Variants in GABBR2 observed in about 807,000 individuals in gnomAD.
GABBR2 encodes gamma-aminobutyric acid type B receptor subunit 2.
GABBR2 carries 23 observed loss-of-function variants against 105.6 expected under a neutral mutation model. That is an observed-to-expected ratio of 0.22 (90% CI 0.16 to 0.31). GABBR2 has a LOEUF of 0.31. GABBR2 is among the 10% of genes least tolerant of loss of function. GABBR2 has a pLI of 1.00. For synonymous variants in GABBR2, 478 were observed against 499.7 expected (o/e 0.96, Z 0.58); for missense variants, 734 against 1,245.5 (o/e 0.59, Z 6.18).
chr9:98,430,605 G>T (rs1275983728), intron 7 of GABBR2, among the ~76,000 whole-genome samples: 1 of 152,172 alleles, frequency 6.6e-6, no homozygotes, highest in Admixed American at 6.5e-5. Context: ...CTGGTCTCAA[G>T]TGCTTTCCTC....
At chr9:98,361,484 T>C (rs1831581855) in intron 13 of GABBR2, among the ~76,000 whole-genome samples, 1 of 152,218 alleles carries the variant, frequency 6.6e-6, no homozygotes, top group Non-Finnish European at 1.5e-5. Context: ...TCTGGATTTC[T>C]AAATTCTGGT....
intron 7 of GABBR2, among the ~76,000 whole-genome samples, chr9:98,406,465 G>A (rs748122519): frequency 6.6e-6 from 1 of 152,254 alleles, no homozygotes; most frequent in African/African-American, 2.4e-5. Flanking sequence ...GACGTCTTCT[G>A]GGGTGCTGGA....
chr9:98,641,395 C>T (rs1171603420), intron 1 of GABBR2, among the ~76,000 whole-genome samples: 4 of 151,912 alleles, frequency 2.6e-5, no homozygotes, highest in Admixed American at 2.6e-4. Flanking sequence ...ACCTCGGCCT[C>T]CCAAAGTGCT....
chr9:98,343,860 TAAA>T (rs922212489), intron 13 of GABBR2, among the ~76,000 whole-genome samples: 1 of 150,012 alleles, frequency 6.7e-6, no homozygotes, highest in Non-Finnish European at 1.5e-5. Context: ...TCCGTCAAAA[TAAA>T]AAAAAGAAAA....
intron 7 of GABBR2, among the ~76,000 whole-genome samples, chr9:98,414,210 C>T (rs1200187836): frequency 6.6e-6 from 1 of 152,086 alleles, no homozygotes; most frequent in Non-Finnish European, 1.5e-5. Flanking sequence ...ACAGGAAGAC[C>T]CTAATTTAGA....
rs529145427 is a variant in GABBR2 at position 98,602,348 on chromosome 9, C to T, written c.322-24276G>A. 3.3e-5 allele frequency among the ~76,000 whole-genome samples: 5 copies of T among 150,820 alleles called. No homozygotes were observed. The East Asian group carries it at 5.9e-4, about 18-fold the overall frequency. On this transcript the variant is annotated intron_variant, in intron 1 of 18. Coordinates refer to ENST00000259455, the MANE Select transcript of GABBR2 (RefSeq NM_005458.8). ...TCAGCTGGGCGTGGTGGCAGGCACC[C>T]GTAATCCCAGCTACTTGGAAGGCTG...
At chr9:98,303,531 G>T in intron 15 of GABBR2, 108 bp from the exon 16 acceptor site, 1 of 954,328 alleles carries the variant, frequency 1.0e-6, no homozygotes, top group Non-Finnish European at 1.6e-6. Context: ...GCGATAAGAG[G>T]CCCCAGGAAA....
rs190833435 is a variant in GABBR2, at chr9:98,679,774, G to A, written c.321+28643C>T. The stretch of plus-strand genomic sequence containing the variant: ...TGGAGAGGTGCCCTCTGTATACCAA[G>A]GGGAAAGGAACATCCTTATCTCTGA... On this transcript the variant is annotated intron_variant, in intron 1 of 18. Transcript: ENST00000259455. 2.5e-3 allele frequency among the ~76,000 whole-genome samples: 388 copies of A among 152,288 alleles called. 8 individuals carry two copies. The East Asian group carries it at 0.039, about 15-fold the overall frequency.
intron 7 of GABBR2, among the ~76,000 whole-genome samples, chr9:98,451,989 C>T (rs929715798): frequency 2.6e-5 from 4 of 152,226 alleles, no homozygotes; most frequent in Non-Finnish European, 5.9e-5. Flanking sequence ...CCTCTGGGCT[C>T]GGGCTTGGGC....
At chr9:98,553,793 G>A (rs574410151) in intron 2 of GABBR2, among the ~76,000 whole-genome samples, 51 of 152,148 alleles carry the variant, frequency 3.4e-4, no homozygotes, top group Non-Finnish European at 6.8e-4. Flanking sequence ...ACTGAGCCTC[G>A]GAGAGGATAA....
At chr9:98,580,612 ACCCCGT>A (rs1828987245) in intron 1 of GABBR2, among the ~76,000 whole-genome samples, 1 of 151,962 alleles carries the variant, frequency 6.6e-6, no homozygotes, top group Non-Finnish European at 1.5e-5. Flanking sequence ...ACATGGCGAA[ACCCCGT>A]CTCTATTAAA....
At chr9:98,508,777 C>G (rs142027067) in intron 3 of GABBR2, among the ~76,000 whole-genome samples, 51,451 of 150,844 alleles carry the variant, frequency 0.34, 9,043 homozygotes, top group Middle Eastern at 0.49. Context: ...CAGGAAACTC[C>G]AACTGGGTGG....
chr9:98,435,019 T>C (rs1243193730), intron 7 of GABBR2, among the ~76,000 whole-genome samples: 1 of 152,204 alleles, frequency 6.6e-6, no homozygotes, highest in Non-Finnish European at 1.5e-5. Context: ...ATTGGTATCA[T>C]GTTTGCCTCC....
chr9:98,377,207 C>A (rs973921596), intron 11 of GABBR2, among the ~76,000 whole-genome samples: 6 of 147,494 alleles, frequency 4.1e-5, no homozygotes, highest in South Asian at 4.4e-4. Context: ...ACGCAGCATT[C>A]TCAGATGGGT....
At chr9:98,647,094 C>T (rs150083129) in intron 1 of GABBR2, among the ~76,000 whole-genome samples, 176 of 152,266 alleles carry the variant, frequency 1.2e-3, no homozygotes, top group African/African-American at 4.0e-3. Flanking sequence ...AATTAGGGTA[C>T]GCTTCTAAAT....
intron 6 of GABBR2, among the ~76,000 whole-genome samples, chr9:98,472,715 C>G (rs1459497712): frequency 6.6e-6 from 1 of 152,114 alleles, no homozygotes; most frequent in Non-Finnish European, 1.5e-5. Context: ...TGGGGTTTGA[C>G]GCAGTCTGGC....
At position 98,650,139 on chromosome 9, in the gene GABBR2, A is replaced by T. The variant is rs1043514811; in HGVS notation, c.321+58278T>A. On this transcript the variant is annotated intron_variant, in intron 1 of 18. Transcript: ENST00000259455. Reference sequence around the variant, plus strand: ...TTTCTATCTCCATTATTTTTAAAAAATTTTTCATGTGTTTCAGTCCTGTTT... The same window carrying T: ...TTTCTATCTCCATTATTTTTAAAAATTTTTTCATGTGTTTCAGTCCTGTTT... Among the ~76,000 whole-genome samples, 35 of 152,074 alleles carry T rather than the reference A, an allele frequency of 2.3e-4. 1 individual carries two copies. Among genetic ancestry groups the T allele is most frequent in the South Asian group, 4.2e-4 (2 of 4,818 alleles).
chr9:98,541,070 G>T (rs1298275258), intron 3 of GABBR2, among the ~76,000 whole-genome samples: 1 of 152,152 alleles, frequency 6.6e-6, no homozygotes. Flanking sequence ...CCATTGAAAA[G>T]TGGTCAACGT....
chr9:98,354,618 CCT>C (rs1274697206), intron 13 of GABBR2, among the ~76,000 whole-genome samples: 2 of 152,202 alleles, frequency 1.3e-5, no homozygotes, highest in East Asian at 3.8e-4. Flanking sequence ...CATGAACCAG[CCT>C]CTGTTAGCTT....
Sources: allele counts gnomAD v4.1 joint callset (sites outside exome capture counted in the v4.1 genomes callset), GRCh38; gene constraint gnomAD v4.1.1; transcripts MANE v1.5; gene names NCBI Gene and HGNC (gene_info 2026-07-23, HGNC 2026-07-21).